The following CNTNAP2 variants were observed in gnomAD, a reference collection of about 807,000 sequenced individuals.
CNTNAP2 encodes the protein contactin associated protein 2.
Under a neutral mutation model 155.2 loss-of-function variants are expected in CNTNAP2, and 98 were observed. The ratio of observed to expected loss-of-function variants is 0.63; its 90% CI spans 0.54 to 0.75. The LOEUF is 0.75. Ranked by LOEUF, CNTNAP2 falls within the 30% of genes least tolerant of loss-of-function variation. The pLI, the probability that CNTNAP2 is intolerant of heterozygous loss-of-function variation, is 0.00. For synonymous variants in CNTNAP2, 651 were observed against 631.2 expected (o/e 1.03, Z -0.47); for missense variants, 1,727 against 1,688.1 (o/e 1.02, Z -0.40).
At chr7:148,157,164 A>AG (rs1562977251) in intron 17 of CNTNAP2, among the ~76,000 whole-genome samples, 1 of 152,180 alleles carries the variant, frequency 6.6e-6, no homozygotes, top group East Asian at 1.9e-4. Flanking sequence ...TCATTTACAT[A>AG]GGGCATATAC....
chr7:147,370,289 G>T (rs752616722), intron 9 of CNTNAP2, among the ~76,000 whole-genome samples: 1 of 152,160 alleles, frequency 6.6e-6, no homozygotes, highest in African/African-American at 2.4e-5. Context: ...ATCTGTATTT[G>T]ATAAATTCTT....
chr7:148,024,157 T>TAAAAAAAAAAAAAAAAAAAAAAAA (rs34591496), intron 15 of CNTNAP2, among the ~76,000 whole-genome samples: 1 of 107,630 alleles, frequency 9.3e-6, no homozygotes, highest in African/African-American at 3.6e-5. Flanking sequence ...CTTTAAAGTG[T>TAAAAAAAAAAAAAAAAAAAAAAAA]AAAAAAAAAA....
intron 1 of CNTNAP2, among the ~76,000 whole-genome samples, chr7:146,293,969 T>A (rs1800472811): frequency 6.6e-6 from 1 of 152,088 alleles, no homozygotes; most frequent in South Asian, 2.1e-4. Flanking sequence ...AACCAAAAAT[T>A]TGTTCTAGGA....
intron 1 of CNTNAP2, among the ~76,000 whole-genome samples, chr7:146,389,679 T>TTTTTCTTTTTTC (rs961886864): frequency 1.3e-5 from 2 of 150,776 alleles, no homozygotes; most frequent in Admixed American, 1.3e-4. Context: ...CATATTTCTT[T>TTTTTCTTTTTTC]TTTTCTTTTT....
At chr7:146,711,504 C>G (rs1012567825) in intron 1 of CNTNAP2, among the ~76,000 whole-genome samples, 2 of 148,410 alleles carry the variant, frequency 1.3e-5, no homozygotes, top group Admixed American at 6.8e-5. Context: ...CCACTGTTAC[C>G]ATGTGCCTGG....
At chr7:146,580,262 T>C (rs1207916548) in intron 1 of CNTNAP2, among the ~76,000 whole-genome samples, 2 of 152,172 alleles carry the variant, frequency 1.3e-5, no homozygotes, top group African/African-American at 4.8e-5. Context: ...TTGTTGAAAG[T>C]AACATGCGTT....
At chr7:148,213,648 G>A (rs1265809199) in intron 18 of CNTNAP2, among the ~76,000 whole-genome samples, 1 of 151,670 alleles carries the variant, frequency 6.6e-6, no homozygotes, top group Non-Finnish European at 1.5e-5. Flanking sequence ...CTCAGGTAAT[G>A]ACCCCCCACA....
intron 9 of CNTNAP2, among the ~76,000 whole-genome samples, chr7:147,366,471 A>G (rs1796231261): frequency 6.6e-6 from 1 of 151,112 alleles, no homozygotes; most frequent in South Asian, 2.1e-4. Context: ...CCTTTCCTTT[A>G]TTTCAGTAGA....
chr7:148,175,388 G>A (rs1794915444), intron 18 of CNTNAP2, among the ~76,000 whole-genome samples: 1 of 152,100 alleles, frequency 6.6e-6, no homozygotes, highest in Non-Finnish European at 1.5e-5. Flanking sequence ...AAAATATCTA[G>A]CTATTTATTA....
intron 13 of CNTNAP2, among the ~76,000 whole-genome samples, chr7:147,853,997 C>T (rs1356999521): frequency 6.6e-6 from 1 of 152,134 alleles, no homozygotes; most frequent in African/African-American, 2.4e-5. Flanking sequence ...GTTCAAAATT[C>T]AGAGAGAACA....
intron 14 of CNTNAP2, among the ~76,000 whole-genome samples, chr7:147,949,458 A>ATATATATATATATATATATAT (rs1433579404): frequency 5.0e-4 from 69 of 137,388 alleles, no homozygotes; most frequent in African/African-American, 1.2e-3. Context: ...ATATATATAT[A>ATATATATATATATATATATAT]TTTTTTTTTT....
intron 9 of CNTNAP2, among the ~76,000 whole-genome samples, chr7:147,310,447 A>G (rs1456568743): frequency 1.3e-5 from 2 of 152,198 alleles, no homozygotes; most frequent in African/African-American, 4.8e-5. Flanking sequence ...TGAAAATAAT[A>G]CGGATAACAC....
At chr7:147,980,742 G>A (rs1022730181) in intron 15 of CNTNAP2, among the ~76,000 whole-genome samples, 1 of 147,508 alleles carries the variant, frequency 6.8e-6, no homozygotes, top group Admixed American at 6.8e-5. Flanking sequence ...GGCTAACGCG[G>A]TGAAACCCCG....
chr7:147,617,305 C>T (rs986027352), intron 12 of CNTNAP2, among the ~76,000 whole-genome samples: 13 of 152,088 alleles, frequency 8.5e-5, no homozygotes, highest in African/African-American at 3.1e-4. Flanking sequence ...TAGTCTTAAG[C>T]TTAATGTCCT....
In CNTNAP2 at chr7:148,377,445, G is replaced by T. The variant is rs2116648985; in HGVS notation, c.3476-6204G>T. Among the ~76,000 whole-genome samples, 2 of 68,068 alleles carry T rather than the reference G, an allele frequency of 2.9e-5. 1 individual carries two copies. 44.7% of individuals were successfully genotyped at this position (68,068 alleles called of 152,430 possible). A position where few individuals can be genotyped will look rare whatever the true frequency, so the allele number is the denominator to read the frequency against. On this transcript the variant is annotated intron_variant, in intron 21 of 23. Transcript: ENST00000361727. The stretch of plus-strand genomic sequence containing the variant: ...AGAAGAGAAATTTATCAGTTCCTCT[G>T]GGTGTCAGTTTTAGAGCAATACAAC...
At chr7:146,565,536 CTT>C in intron 1 of CNTNAP2, among the ~76,000 whole-genome samples, 1 of 152,194 alleles carries the variant, frequency 6.6e-6, no homozygotes, top group Non-Finnish European at 1.5e-5. Context: ...CATTGCTACG[CTT>C]TTTTATTCTG....
chr7:146,612,260 C>G (rs1205186362), intron 1 of CNTNAP2, among the ~76,000 whole-genome samples: 4 of 152,086 alleles, frequency 2.6e-5, no homozygotes, highest in African/African-American at 9.7e-5. Flanking sequence ...CATACTCTCT[C>G]ATACTCACAT....
At chr7:148,410,120 CT>C (rs1260337696) in intron 23 of CNTNAP2, among the ~76,000 whole-genome samples, 1 of 151,212 alleles carries the variant, frequency 6.6e-6, no homozygotes, top group African/African-American at 2.4e-5. Context: ...TTAATGCTGG[CT>C]TGTAAAAAAC....
At chr7:146,642,204 A>T (rs917857765) in intron 1 of CNTNAP2, among the ~76,000 whole-genome samples, 34 of 151,642 alleles carry the variant, frequency 2.2e-4, no homozygotes, top group African/African-American at 7.7e-4. Flanking sequence ...CATGTGCACA[A>T]TGTGCAGGTT....
Sources: gnomAD v4.1 joint callset for allele counts (sites outside exome capture counted in the v4.1 genomes callset) on GRCh38, gnomAD v4.1.1 for gene constraint, MANE v1.5 for transcripts, NCBI Gene and HGNC (gene_info 2026-07-23, HGNC 2026-07-21) for gene names.